Variants in ZMYM6 observed in about 807,000 individuals in gnomAD.
ZMYM6 encodes zinc finger MYM-type protein 6.
Under a neutral mutation model 134.0 loss-of-function variants are expected in ZMYM6, and 90 were observed. The ratio of observed to expected loss-of-function variants is 0.67; its 90% CI spans 0.57 to 0.80. The LOEUF (loss-of-function observed/expected upper bound fraction) is 0.80. ZMYM6 is among the 30% of genes least tolerant of loss of function. ZMYM6 has a pLI of 0.00. For synonymous variants in ZMYM6, 481 were observed against 524.1 expected (o/e 0.92, Z 1.12); for missense variants, 1,362 against 1,533.9 (o/e 0.89, Z 1.87).
intron 14 of ZMYM6, among the ~76,000 whole-genome samples, chr1:35,002,801 CA>C (rs1292208110): frequency 6.6e-6 from 1 of 152,060 alleles, no homozygotes; most frequent in Non-Finnish European, 1.5e-5. Context: ...CTAGCACCAC[CA>C]CTTAATATAA....
Position 35,010,794 on chromosome 1 carries a change from A to G in ZMYM6, c.1305T>C (p.His435=), listed in dbSNP as rs1341776134. ...GAAGTTCTGGTTTTGTGGCAAATAGATGGTTACAGTGCTGACACTTGAGTT... is the reference window on the plus strand; with the variant it reads ...GAAGTTCTGGTTTTGTGGCAAATAGGTGGTTACAGTGCTGACACTTGAGTT... ...VVKLKCQHCN[H]LFATKPELLF... is the part of the protein sequence containing the mutation. Residue 435 remains histidine (H), a synonymous_variant, in exon 9 of 16, where the codon CAT becomes CAC. Transcript: ENST00000357182. The G allele has an allele frequency of 6.3e-7, 1 of 1,581,474 alleles. No individual in the cohort carries two copies. Among genetic ancestry groups the G allele is most frequent in the South Asian group, 1.2e-5 (1 of 85,364 alleles).
chr1:35,018,206 T>C (rs1348485326), intron 4 of ZMYM6: 2 of 152,058 alleles, frequency 1.3e-5, no homozygotes, highest in Non-Finnish European at 2.9e-5. Flanking sequence ...TAGTCGGGCA[T>C]GGTGGTATGC....
At position 35,007,040 on chromosome 1, in the gene ZMYM6, C is replaced by T. The variant is rs780383655; in HGVS notation, c.1724G>A (p.Arg575Gln). ...QGKLSESIKWRGNIKHFCNLF... is the reference protein window; with the variant it reads ...QGKLSESIKWQGNIKHFCNLF... ...GTTACAGAAATGTTTAATGTTGCCT[C>T]GCCACTTTATGGACTCGCTTAGTTT... The change falls in exon 12 of 16, where the codon CGA becomes CAA. Residue 575 changes from arginine (R) to glutamine (Q), a missense_variant. This residue lies in a region of ZMYM6 where 824 missense variants were observed against 940.9 expected (regional missense o/e 0.88). Coordinates refer to ENST00000357182, the MANE Select transcript of ZMYM6 (RefSeq NM_007167.4). The T allele has an allele frequency of 9.9e-6, 16 of 1,612,860 alleles. No homozygotes were observed. The South Asian group carries it at 1.4e-4, about 14-fold the overall frequency.
chr1:35,028,342 C>T (rs1205605349), intron 2 of ZMYM6, among the ~76,000 whole-genome samples: 1 of 151,442 alleles, frequency 6.6e-6, no homozygotes, highest in African/African-American at 2.4e-5. Context: ...AATGATACTG[C>T]CTGTGAGATG....
intron 14 of ZMYM6, among the ~76,000 whole-genome samples, chr1:34,993,455 A>C (rs1030843209): frequency 7.2e-5 from 11 of 152,158 alleles, no homozygotes; most frequent in African/African-American, 2.7e-4. Context: ...GAGTAAATCA[A>C]AGTAGAAAAG....
At chr1:35,002,082 T>A (rs893208005) in intron 14 of ZMYM6, among the ~76,000 whole-genome samples, 1 of 152,238 alleles carries the variant, frequency 6.6e-6, no homozygotes, top group African/African-American at 2.4e-5. Context: ...GTCACTTTAC[T>A]GTTAGTTGTG....
At chr1:34,992,418 A>T (rs1464196942) in intron 14 of ZMYM6, 31 bp from the exon 15 acceptor site, 2 of 1,603,730 alleles carry the variant, frequency 1.2e-6, no homozygotes, top group Non-Finnish European at 1.7e-6. Flanking sequence ...AAACCAAAGA[A>T]AGATTTTTTT....
intron 9 of ZMYM6, 70 bp from the exon 10 acceptor site, chr1:35,010,667 G>T: frequency 6.5e-7 from 1 of 1,548,698 alleles, no homozygotes; most frequent in Non-Finnish European, 8.7e-7. Context: ...TCCTTTTCAT[G>T]TCAAAGCAAA....
intron 2 of ZMYM6, among the ~76,000 whole-genome samples, chr1:35,021,914 TTACA>T (rs1330266644): frequency 2.6e-5 from 4 of 152,356 alleles, no homozygotes; most frequent in African/African-American, 9.6e-5. Context: ...TAAAATACCC[TTACA>T]TATTTCAAAA....
chr1:34,991,153 C>T (rs778405946), intron 15 of ZMYM6, among the ~76,000 whole-genome samples: 7 of 152,084 alleles, frequency 4.6e-5, no homozygotes, highest in Non-Finnish European at 1.0e-4. Context: ...CATGAGCCAC[C>T]ACGTCTGACC....
chr1:35,008,436 C>T (rs1452521591), intron 11 of ZMYM6, among the ~76,000 whole-genome samples: 1 of 152,090 alleles, frequency 6.6e-6, no homozygotes, highest in East Asian at 1.9e-4. Context: ...CTCAGAGTAA[C>T]CTGAATGAGA....
intron 7 of ZMYM6, 40 bp from the exon 8 acceptor site, chr1:35,012,045 C>A: frequency 1.6e-6 from 2 of 1,266,296 alleles, no homozygotes; most frequent in Non-Finnish European, 2.2e-6. Context: ...TAAGTTATAC[C>A]AATGAACAAA....
intron 15 of ZMYM6, among the ~76,000 whole-genome samples, chr1:34,990,940 C>A (rs1422551755): frequency 2.0e-5 from 3 of 152,198 alleles, no homozygotes; most frequent in African/African-American, 4.8e-5. Flanking sequence ...TCTCAGCTCA[C>A]CGCAACCTCT....
intron 14 of ZMYM6, among the ~76,000 whole-genome samples, chr1:34,996,100 C>A (rs1269946368): frequency 6.6e-6 from 1 of 152,086 alleles, no homozygotes. Context: ...AGTTTATCTA[C>A]AGAATAAAGT....
At chr1:35,005,432 T>TTAGTG (rs1207591303) in intron 12 of ZMYM6, among the ~76,000 whole-genome samples, 160 bp from the exon 13 acceptor site, 2 of 152,004 alleles carry the variant, frequency 1.3e-5, no homozygotes, top group East Asian at 3.9e-4. Flanking sequence ...TCTGGTCAGA[T>TTAGTG]TAGTGTTCTT....
At chr1:34,997,907 A>G (rs1398962773) in intron 14 of ZMYM6, among the ~76,000 whole-genome samples, 1 of 152,212 alleles carries the variant, frequency 6.6e-6, no homozygotes, top group Non-Finnish European at 1.5e-5. Context: ...CAGTTGTCAC[A>G]GCATTATTTA....
At chr1:35,009,304 A>G (rs1641041886) in intron 10 of ZMYM6, among the ~76,000 whole-genome samples, 1 of 152,166 alleles carries the variant, frequency 6.6e-6, no homozygotes, top group African/African-American at 2.4e-5. Flanking sequence ...GCATTTCGCC[A>G]TGTTGGCCAG....
chr1:34,996,266 TGAAAAATTA>T (rs1366219078), intron 14 of ZMYM6, among the ~76,000 whole-genome samples: 1 of 152,168 alleles, frequency 6.6e-6, no homozygotes, highest in Non-Finnish European at 1.5e-5. Flanking sequence ...TCTCAATGAG[TGAAAAATTA>T]TTTTACTTTA....
intron 14 of ZMYM6, among the ~76,000 whole-genome samples, chr1:34,997,847 T>A (rs887903970): frequency 6.6e-6 from 1 of 152,222 alleles, no homozygotes; most frequent in African/African-American, 2.4e-5. Context: ...GAACTTTATT[T>A]TGGTCTAAAT....
Sources: gnomAD v4.1 joint callset for allele counts (sites outside exome capture counted in the v4.1 genomes callset) on GRCh38, gnomAD v4.1.1 for gene constraint, gnomAD v4.1.1 regional missense constraint, MANE v1.5 for transcripts, NCBI Gene and HGNC (gene_info 2026-07-23, HGNC 2026-07-21) for gene names.